MMRN1: variants seen among roughly 807,000 people sequenced by gnomAD.
MMRN1 encodes multimerin 1, also known as multimerin-1.
A neutral mutation model predicts 100.7 loss-of-function variants in MMRN1; 94 were observed. That is an observed-to-expected ratio of 0.93 (90% confidence interval 0.79 to 1.11). The LOEUF is 1.11. Ranked by LOEUF, MMRN1 falls within the 50% of genes least tolerant of loss-of-function variation. The probability of loss-of-function intolerance (pLI) is 0.00; values close to 1 mark genes in which losing one functional copy is unlikely to be tolerated. For missense variants in MMRN1, 1,606 were observed against 1,439.1 expected (o/e 1.12, Z -1.88); for synonymous variants, 575 against 505.0 (o/e 1.14, Z -1.86).
chr4:89,887,066 G>A (rs1720952728), intron 1 of MMRN1, among the ~76,000 whole-genome samples: 1 of 152,018 alleles, frequency 6.6e-6, no homozygotes, highest in Non-Finnish European at 1.5e-5. Flanking sequence ...CTCCATGAGA[G>A]CAAATGTTTT....
At chr4:89,941,350 T>A (rs984799772) in intron 6 of MMRN1, among the ~76,000 whole-genome samples, 2 of 152,194 alleles carry the variant, frequency 1.3e-5, no homozygotes, top group African/African-American at 4.8e-5. Flanking sequence ...AGGAAAAAGA[T>A]ACAAGCAGAG....
intron 1 of MMRN1, among the ~76,000 whole-genome samples, chr4:89,883,359 A>C (rs1720863508): frequency 6.6e-6 from 1 of 152,042 alleles, no homozygotes; most frequent in Admixed American, 6.6e-5. Flanking sequence ...CCTGAAACGT[A>C]TGAGTTCTGA....
At chr4:89,904,168 T>G (rs2047906453) in intron 1 of MMRN1, among the ~76,000 whole-genome samples, 1 of 151,814 alleles carries the variant, frequency 6.6e-6, no homozygotes, top group Non-Finnish European at 1.5e-5. Flanking sequence ...ATTTCTTACT[T>G]TTTCTTCTTC....
intron 6 of MMRN1, among the ~76,000 whole-genome samples, chr4:89,939,598 T>C (rs1046730400): frequency 3.3e-5 from 5 of 152,142 alleles, no homozygotes; most frequent in Non-Finnish European, 7.4e-5. Flanking sequence ...GTATCCTGCC[T>C]AAGGTCATTC....
At chr4:89,882,031 A>G (rs2110566965) in intron 1 of MMRN1, among the ~76,000 whole-genome samples, 1 of 152,016 alleles carries the variant, frequency 6.6e-6, no homozygotes, top group East Asian at 1.9e-4. Context: ...TAACCCTCTC[A>G]GAAAGATTAC....
In MMRN1 at chr4:89,909,341, A is replaced by C. The variant is rs1479147739; in HGVS notation, c.689A>C (p.Tyr230Ser). Residue 230 changes from tyrosine (Y) to serine (S), a missense_variant, in exon 2 of 8, where the codon TAT (tyrosine) becomes TCT (serine). By Grantham distance (144) the Tyr-to-Ser change is moderately radical. Transcript: ENST00000264790. ...GTGATATTGGACAACCAGGTCACTT[A>C]TGTCCCAGGTGGGAAAGGACCTTGT... ...PTVILDNQVT[Y>S]VPGGKGPCGW... The C allele has an allele frequency of 2.5e-6, 4 of 1,609,964 alleles. No individual in the cohort carries two copies. In the South Asian group the frequency reaches 4.4e-5, roughly 18 times the overall value.
intron 3 of MMRN1, among the ~76,000 whole-genome samples, chr4:89,918,188 T>C (rs1378546263): frequency 6.6e-6 from 1 of 151,036 alleles, no homozygotes; most frequent in Non-Finnish European, 1.5e-5. Context: ...ATAGAATATA[T>C]AAGTTTCAAA....
At chr4:89,894,847 C>G (rs779250342), upstream of MMRN1, 152 of 1,448,984 alleles carry the variant, frequency 1.0e-4, no homozygotes, top group Non-Finnish European at 1.2e-4. Flanking sequence ...AAACCTGTTT[C>G]CTCTACACAT....
chr4:89,898,168 T>C (rs1259310187), intron 1 of MMRN1, among the ~76,000 whole-genome samples: 1 of 152,118 alleles, frequency 6.6e-6, no homozygotes, highest in African/African-American at 2.4e-5. Flanking sequence ...TCAAAAGAAG[T>C]CCTTCGTACT....
intron 1 of MMRN1, among the ~76,000 whole-genome samples, chr4:89,885,251 G>A (rs933549568): frequency 1.3e-5 from 2 of 150,604 alleles, no homozygotes; most frequent in Non-Finnish European, 3.0e-5. Context: ...CCTGACTTCT[G>A]AGTGTAAATC....
chr4:89,887,816 A>AT (rs2110572246), intron 1 of MMRN1, among the ~76,000 whole-genome samples: 1 of 152,022 alleles, frequency 6.6e-6, no homozygotes, highest in Non-Finnish European at 1.5e-5. Context: ...TCTGTCTTGA[A>AT]TTTTAACTAC....
intron 1 of MMRN1, among the ~76,000 whole-genome samples, chr4:89,901,331 AT>A (rs200789369): frequency 6.6e-5 from 10 of 151,612 alleles, no homozygotes; most frequent in Non-Finnish European, 1.0e-4. Flanking sequence ...AAAAAGAGGG[AT>A]TTTTTTTCTG....
chr4:89,916,318 T>C (rs538506453), intron 3 of MMRN1, among the ~76,000 whole-genome samples: 8 of 150,860 alleles, frequency 5.3e-5, no homozygotes, highest in African/African-American at 1.7e-4. Flanking sequence ...TGATGCTTAA[T>C]AGTTGTTTCT....
At chr4:89,926,945 A>G (rs1467253892) in intron 4 of MMRN1, among the ~76,000 whole-genome samples, 1 of 151,818 alleles carries the variant, frequency 6.6e-6, no homozygotes, top group Non-Finnish European at 1.5e-5. Flanking sequence ...AGATACATGG[A>G]TTTGTTTCTG....
At chr4:89,922,882 G>C (rs540348323) in intron 3 of MMRN1, among the ~76,000 whole-genome samples, 1 of 152,240 alleles carries the variant, frequency 6.6e-6, no homozygotes, top group South Asian at 2.1e-4. Flanking sequence ...ATTTACATCT[G>C]CTAGTTTACA....
chr4:89,933,507 G>A (rs79293357), intron 5 of MMRN1, among the ~76,000 whole-genome samples: 4,432 of 152,240 alleles, frequency 0.029, 202 homozygotes, highest in African/African-American at 0.098. Context: ...AAATAGCTGG[G>A]TAATTTATAA....
chr4:89,893,282 T>C (rs1721095817), upstream of MMRN1, among the ~76,000 whole-genome samples: 1 of 152,064 alleles, frequency 6.6e-6, no homozygotes, highest in Non-Finnish European at 1.5e-5. Flanking sequence ...CGATTGGGGT[T>C]GCTGATGATT....
rs1723232630 is a variant in MMRN1 at position 89,953,074 on chromosome 4, G to T, written c.3343G>T (p.Gly1115Cys). Residue 1115 changes from glycine (G) to cysteine (C), a missense_variant, in exon 8 of 8, where the codon GGT becomes TGT. Gly to Cys is a radical substitution (Grantham distance 159, BLOSUM62 -3). Transcript: ENST00000264790. ...ASHTYGMTIP[G>C]PILFNNLDVN... ...TCATACGTATGGAATGACTATACCTGGTCCTATCCTGTTTAATAACTTGGA... is the reference window on the plus strand; with the variant it reads ...TCATACGTATGGAATGACTATACCTTGTCCTATCCTGTTTAATAACTTGGA... 2 of 1,613,754 alleles carry T rather than the reference G, an allele frequency of 1.2e-6. No individual in the cohort carries two copies. The highest frequency in any genetic ancestry group is 1.1e-5 in the South Asian group (1 of 91,062).
chr4:89,907,837 T>G (rs556377038), intron 1 of MMRN1, among the ~76,000 whole-genome samples: 3 of 151,178 alleles, frequency 2.0e-5, no homozygotes, highest in Non-Finnish European at 4.4e-5. Context: ...TTGTTTTTTT[T>G]TTTTCTATTT....
Sources: allele counts gnomAD v4.1 joint callset (sites outside exome capture counted in the v4.1 genomes callset), GRCh38; gene constraint gnomAD v4.1.1; transcripts MANE v1.5; gene names NCBI Gene and HGNC (gene_info 2026-07-23, HGNC 2026-07-21).